Variants in DNAH6 observed in about 807,000 individuals in gnomAD.
DNAH6 encodes axonemal beta dynein heavy chain 6.
In DNAH6, 340 loss-of-function variants were observed where a neutral mutation model predicts 491.4. That is an observed-to-expected ratio of 0.69 (90% confidence interval 0.63 to 0.76). The LOEUF (loss-of-function observed/expected upper bound fraction) is 0.76. DNAH6 is among the 30% of genes least tolerant of loss of function. The pLI is 0.00. For synonymous variants in DNAH6, 1,603 were observed against 1,686.1 expected (o/e 0.95, Z 1.21); for missense variants, 4,443 against 4,972.2 (o/e 0.89, Z 3.20).
chr2:84,508,527 T>C, the DNAH6 span, among the ~76,000 whole-genome samples: 1 of 152,206 alleles, frequency 6.6e-6, no homozygotes, highest in Admixed American at 6.5e-5. Flanking sequence ...AGCTCCAGGA[T>C]TCATTGATTT....
Position 84,784,811 on chromosome 2 carries a change from G to T in DNAH6, c.10953+1G>T, listed in dbSNP as rs537240329. 1 of 1,533,956 alleles carries T rather than the reference G, an allele frequency of 6.5e-7. No homozygotes were observed. The highest frequency in any genetic ancestry group is 2.4e-5 in the East Asian group (1 of 40,820). On this transcript the variant is annotated splice_donor_variant, in intron 66 of 76. Transcript: ENST00000389394. LOFTEE classifies it high-confidence loss of function. ...TACAGTTCTTCAAAATTCTGTCAAG[G>T]TAATGTATGCATATGGTTGGAACAA...
chr2:84,649,438 T>A (rs1690209582), intron 33 of DNAH6, among the ~76,000 whole-genome samples: 1 of 152,216 alleles, frequency 6.6e-6, no homozygotes, highest in African/African-American at 2.4e-5. Context: ...TTAGAGAACT[T>A]CCCTTTAGCC....
intron 32 of DNAH6, among the ~76,000 whole-genome samples, chr2:84,641,556 T>C (rs536267007): frequency 6.6e-6 from 1 of 152,212 alleles, no homozygotes; most frequent in South Asian, 2.1e-4. Context: ...ACAGGAGCTT[T>C]CTAGAAAAGG....
chr2:84,563,538 C>T (rs1680876774), intron 11 of DNAH6, among the ~76,000 whole-genome samples: 1 of 151,962 alleles, frequency 6.6e-6, no homozygotes, highest in Admixed American at 6.6e-5. Context: ...TGTATTTTGC[C>T]ATTTTTTGAT....
At chr2:84,596,125 G>A (rs951474634) in intron 18 of DNAH6, among the ~76,000 whole-genome samples, 1 of 152,036 alleles carries the variant, frequency 6.6e-6, no homozygotes, top group African/African-American at 2.4e-5. Flanking sequence ...TTGTCCAATC[G>A]GCCTTGTCCA....
At chr2:84,629,177 G>C (rs574937573) in intron 29 of DNAH6, among the ~76,000 whole-genome samples, 2 of 151,788 alleles carry the variant, frequency 1.3e-5, no homozygotes, top group African/African-American at 4.8e-5. Context: ...TAGGTATTTG[G>C]GTTGTTTCTA....
chr2:84,558,003 T>C (rs1022042133), intron 11 of DNAH6, 68 bp downstream of exon 11: 4 of 1,044,976 alleles, frequency 3.8e-6, no homozygotes, highest in African/African-American at 1.6e-5. Context: ...TAATATATAT[T>C]TTTTCTTTCT....
the DNAH6 span, among the ~76,000 whole-genome samples, chr2:84,502,600 A>T: frequency 2.6e-5 from 4 of 152,158 alleles, no homozygotes; most frequent in Non-Finnish European, 5.9e-5. Flanking sequence ...GATCTGTCCA[A>T]TGTCGAAATA....
intron 11 of DNAH6, 114 bp downstream of exon 11, chr2:84,558,049 T>G: frequency 1.6e-6 from 1 of 635,596 alleles, no homozygotes; most frequent in Non-Finnish European, 2.5e-6. Flanking sequence ...AATTGGCATA[T>G]GCCTAAATCT....
At chr2:84,707,042 A>G (rs772497619) in intron 53 of DNAH6, 23 bp downstream of exon 53, 1 of 1,500,024 alleles carries the variant, frequency 6.7e-7, no homozygotes, top group Non-Finnish European at 8.8e-7. Flanking sequence ...TAAAATTTAC[A>G]TTGGCCAGGA....
intron 71 of DNAH6, among the ~76,000 whole-genome samples, chr2:84,808,123 G>GTATA (rs57975328): frequency 6.6e-5 from 9 of 137,164 alleles, no homozygotes; most frequent in African/African-American, 2.5e-4. Context: ...AAAAAAAAGT[G>GTATA]TATATATATG....
intron 37 of DNAH6, among the ~76,000 whole-genome samples, chr2:84,663,256 G>C (rs1042494288): frequency 2.6e-5 from 4 of 152,194 alleles, no homozygotes; most frequent in African/African-American, 9.7e-5. Context: ...GACGAGTTGA[G>C]AGAAGAAGGC....
chr2:84,622,075 T>C (rs1393548757), intron 26 of DNAH6, among the ~76,000 whole-genome samples: 1 of 152,216 alleles, frequency 6.6e-6, no homozygotes, highest in African/African-American at 2.4e-5. Context: ...GCACTAAAAC[T>C]TTATACTTGT....
the DNAH6 span, among the ~76,000 whole-genome samples, chr2:84,504,403 T>C: frequency 2.0e-5 from 3 of 152,200 alleles, no homozygotes; most frequent in Non-Finnish European, 4.4e-5. Flanking sequence ...CAAGGATTGG[T>C]TTCTGGTGCC....
At chr2:84,573,886 T>C (rs1277140853) in intron 12 of DNAH6, among the ~76,000 whole-genome samples, 6 of 152,168 alleles carry the variant, frequency 3.9e-5, no homozygotes, top group African/African-American at 7.2e-5. Flanking sequence ...ATATGAGAAG[T>C]TGTTGAAAGG....
At chr2:84,816,546 A>G (rs1680505898) in intron 76 of DNAH6, among the ~76,000 whole-genome samples, 1 of 152,188 alleles carries the variant, frequency 6.6e-6, no homozygotes, top group African/African-American at 2.4e-5. Context: ...CAACATAGTG[A>G]AACCCTGTCT....
chr2:84,501,028 G>T, the DNAH6 span, among the ~76,000 whole-genome samples: 1 of 151,950 alleles, frequency 6.6e-6, no homozygotes, highest in Non-Finnish European at 1.5e-5. Context: ...TCTTTCTCTT[G>T]TCTGATTGCT....
intron 21 of DNAH6, among the ~76,000 whole-genome samples, 177 bp from the exon 22 acceptor site, chr2:84,611,497 C>A (rs1220217104): frequency 6.6e-6 from 1 of 152,060 alleles, no homozygotes; most frequent in Non-Finnish European, 1.5e-5. Flanking sequence ...GGGATGAAAT[C>A]AGACTAAGGT....
In DNAH6 at chr2:84,727,582, C is replaced by T. The variant is rs746921975; in HGVS notation, c.9973-87C>T. 2.2e-4 allele frequency: 173 copies of T among 786,704 alleles called. 1 individual carries two copies. The Middle Eastern group carries it at 2.3e-3, about 11-fold the overall frequency. The allele number at this position is 786,704 out of a possible 1,614,324, so 48.7% of individuals were successfully genotyped here. Reference sequence around the variant, plus strand: ...CATCTCCCATGCTGCCATTTACTCACTGAATGCGAACAAGGGAGACAGATT... The same window carrying T: ...CATCTCCCATGCTGCCATTTACTCATTGAATGCGAACAAGGGAGACAGATT... On this transcript the variant is annotated intron_variant, in intron 60 of 76. Transcript: ENST00000389394.
Sources: allele counts gnomAD v4.1 joint callset (sites outside exome capture counted in the v4.1 genomes callset), GRCh38; gene constraint gnomAD v4.1.1; transcripts MANE v1.5; gene names NCBI Gene and HGNC (gene_info 2026-07-23, HGNC 2026-07-21).